SEMA4D: variants seen among roughly 807,000 people sequenced by gnomAD.
The protein encoded by SEMA4D is semaphorin-4D.
SEMA4D carries 22 observed loss-of-function variants against 74.8 expected under a neutral mutation model. That is an observed-to-expected ratio of 0.29 (90% CI 0.21 to 0.42). The LOEUF is 0.42. SEMA4D is among the 10% of genes least tolerant of loss of function. The pLI is 1.00. For synonymous variants in SEMA4D, 445 were observed against 463.7 expected (o/e 0.96, Z 0.52); for missense variants, 937 against 1,118.4 (o/e 0.84, Z 2.31).
chr9:89,388,589 T>C (rs1262948954), intron 11 of SEMA4D, 47 bp downstream of exon 11: 1 of 1,568,226 alleles, frequency 6.4e-7, no homozygotes, highest in Admixed American at 2.0e-5. Flanking sequence ...TTCCATGCCC[T>C]GGGCCTTGAA....
intron 1 of SEMA4D, among the ~76,000 whole-genome samples, chr9:89,474,671 C>T (rs569492179): frequency 6.6e-6 from 1 of 152,194 alleles, no homozygotes; most frequent in Non-Finnish European, 1.5e-5. Context: ...CCACTCTCCC[C>T]CAAGCTACAG....
intron 1 of SEMA4D, among the ~76,000 whole-genome samples, chr9:89,494,638 T>C (rs994111636): frequency 2.0e-5 from 3 of 152,160 alleles, no homozygotes; most frequent in East Asian, 1.9e-4. Context: ...CAGGGAGGAA[T>C]TGGAGATCTC....
chr9:89,470,258 G>A (rs1268934088), intron 1 of SEMA4D, among the ~76,000 whole-genome samples: 1 of 152,106 alleles, frequency 6.6e-6, no homozygotes, highest in Non-Finnish European at 1.5e-5. Flanking sequence ...CTTGTATTTA[G>A]AATATATAAA....
At chr9:89,416,807 C>A (rs1305593257) in intron 2 of SEMA4D, among the ~76,000 whole-genome samples, 1 of 152,222 alleles carries the variant, frequency 6.6e-6, no homozygotes, top group African/African-American at 2.4e-5. Flanking sequence ...ATGCTACACC[C>A]AAGTCAGTAG....
intron 1 of SEMA4D, among the ~76,000 whole-genome samples, chr9:89,456,437 C>A (rs1855947659): frequency 6.6e-6 from 1 of 152,164 alleles, no homozygotes; most frequent in African/African-American, 2.4e-5. Flanking sequence ...CATATGAAGA[C>A]AATGTCAGTG....
At chr9:89,460,931 C>T (rs1029267812) in intron 1 of SEMA4D, among the ~76,000 whole-genome samples, 4 of 152,274 alleles carry the variant, frequency 2.6e-5, no homozygotes, top group South Asian at 4.1e-4. Flanking sequence ...ACGGAGAAGG[C>T]GACCTGCTGT....
At chr9:89,395,146 CG>C (rs1382830871) in intron 6 of SEMA4D, among the ~76,000 whole-genome samples, 1 of 152,140 alleles carries the variant, frequency 6.6e-6, no homozygotes, top group Non-Finnish European at 1.5e-5. Flanking sequence ...GAAAAATTGA[CG>C]GGGCGTGGTG....
intron 1 of SEMA4D, among the ~76,000 whole-genome samples, chr9:89,477,468 A>G (rs1461602219): frequency 6.6e-6 from 1 of 152,234 alleles, no homozygotes; most frequent in Non-Finnish European, 1.5e-5. Flanking sequence ...GGCAGACTGG[A>G]GAGACCTCCA....
rs1845649649 is a variant in SEMA4D at position 89,416,110 on chromosome 9, T to G, written c.-243-10411A>C. 1.3e-5 allele frequency among the ~76,000 whole-genome samples: 2 copies of G among 152,182 alleles called. 1 individual carries two copies. The highest frequency in any genetic ancestry group is 3.8e-4 in the East Asian group (2 of 5,204). On this transcript the variant is annotated intron_variant, in intron 2 of 15. Coordinates refer to ENST00000422704, the MANE Select transcript of SEMA4D (RefSeq NM_001371194.2). ...TAAATTAAAATAAAATACCCATTAT[T>G]GTCCACAAAGCAAGCTGAAATTTAA...
intron 1 of SEMA4D, among the ~76,000 whole-genome samples, chr9:89,493,829 C>G (rs932639389): frequency 6.6e-6 from 1 of 152,244 alleles, no homozygotes; most frequent in African/African-American, 2.4e-5. Context: ...AATGCTGGAA[C>G]AAGCCCCAGG....
intron 2 of SEMA4D, among the ~76,000 whole-genome samples, chr9:89,426,221 G>A (rs539743308): frequency 1.3e-5 from 2 of 152,350 alleles, no homozygotes; most frequent in South Asian, 2.1e-4. Flanking sequence ...GTGCAGGCAC[G>A]GCATGAGGGG....
intron 2 of SEMA4D, among the ~76,000 whole-genome samples, chr9:89,430,810 C>T (rs560765010): frequency 6.6e-6 from 1 of 152,186 alleles, no homozygotes. Context: ...AACCCCATCT[C>T]TACTAAAAAT....
At chr9:89,427,677 G>C (rs1327393800) in intron 2 of SEMA4D, among the ~76,000 whole-genome samples, 1 of 152,080 alleles carries the variant, frequency 6.6e-6, no homozygotes, top group African/African-American at 2.4e-5. Context: ...TGACTTCAAA[G>C]TGCCCAAGCC....
At chr9:89,483,905 C>T (rs936265316) in intron 1 of SEMA4D, among the ~76,000 whole-genome samples, 1 of 152,354 alleles carries the variant, frequency 6.6e-6, no homozygotes, top group East Asian at 1.9e-4. Flanking sequence ...GCACTGAAAC[C>T]TTCCTGAGGC....
intron 1 of SEMA4D, among the ~76,000 whole-genome samples, 194 bp from the exon 2 acceptor site, chr9:89,456,147 C>T (rs1182799035): frequency 3.9e-5 from 6 of 152,250 alleles, no homozygotes; most frequent in Non-Finnish European, 7.3e-5. Context: ...GGAGGCATCA[C>T]AGCTAACAGA....
chr9:89,447,097 C>T (rs79203097), intron 2 of SEMA4D, among the ~76,000 whole-genome samples: 2,698 of 152,188 alleles, frequency 0.018, 30 homozygotes, highest in Middle Eastern at 0.078. Flanking sequence ...CTCCCTCGCC[C>T]GCTGCCTATC....
intron 1 of SEMA4D, among the ~76,000 whole-genome samples, chr9:89,490,844 G>A (rs1410984146): frequency 2.0e-5 from 3 of 152,126 alleles, no homozygotes; most frequent in Admixed American, 2.0e-4. Context: ...TGAGTGAAAA[G>A]GGGCAACAGG....
downstream of SEMA4D, among the ~76,000 whole-genome samples, chr9:89,375,054 AAAAT>A (rs1056712462): frequency 5.9e-5 from 9 of 152,322 alleles, no homozygotes; most frequent in South Asian, 2.1e-4. Context: ...CTCTGCCTCA[AAAAT>A]AAATAAATAA....
chr9:89,468,278 T>G (rs527559909), intron 1 of SEMA4D, among the ~76,000 whole-genome samples: 1 of 152,312 alleles, frequency 6.6e-6, no homozygotes, highest in Non-Finnish European at 1.5e-5. Flanking sequence ...TTTAATTAAG[T>G]GAAGCAAAAC....
Sources: gnomAD v4.1 joint callset for allele counts (sites outside exome capture counted in the v4.1 genomes callset) on GRCh38, gnomAD v4.1.1 for gene constraint, MANE v1.5 for transcripts, NCBI Gene and HGNC (gene_info 2026-07-23, HGNC 2026-07-21) for gene names.